ZFHX3: variants seen among roughly 807,000 people sequenced by gnomAD.
ZFHX3 encodes zinc finger homeobox 3.
ZFHX3 carries 42 observed loss-of-function variants against 279.1 expected under a neutral mutation model. That is an observed-to-expected ratio of 0.15 (90% CI 0.12 to 0.19). The LOEUF (loss-of-function observed/expected upper bound fraction) is 0.19, where lower values mean the gene tolerates loss of function less well. Ranked by LOEUF, ZFHX3 falls within the 10% of genes least tolerant of loss-of-function variation. The pLI is 1.00. For missense variants in ZFHX3, 4,981 were observed against 4,754.0 expected, an observed-to-expected ratio of 1.05 and a Z score of -1.40; for synonymous variants, 2,293 against 1,957.8, an observed-to-expected ratio of 1.17 and a Z score of -4.52.
Position 72,848,892 on chromosome 16 carries a change from C to T in ZFHX3, c.3449-19033G>A, listed in dbSNP as rs1180538960. 2.8e-5 allele frequency among the ~76,000 whole-genome samples: 4 copies of T among 144,492 alleles called. No individual in the cohort carries two copies. The East Asian group carries it at 6.2e-4, about 22-fold the overall frequency. The allele number at this position is 144,492 out of a possible 152,430, so 94.8% of individuals were successfully genotyped here. On this transcript the variant is annotated intron_variant, in intron 4 of 9. Coordinates refer to ENST00000268489, the MANE Select transcript of ZFHX3 (RefSeq NM_006885.4). ...CCACGGCTGGAGCTGGCGAGCTGCA[C>T]GGTCCCCAGAAATCTCAGGCAGGCA... is the stretch of plus-strand genomic sequence containing the variant.
intron 1 of ZFHX3, among the ~76,000 whole-genome samples, chr16:73,845,131 G>T (rs1352256505): frequency 2.0e-5 from 3 of 152,152 alleles, no homozygotes; most frequent in African/African-American, 7.2e-5. Flanking sequence ...TGAGTTTGAA[G>T]TCATTTTGAA....
At chr16:73,797,807 C>CTT (rs35369374) in intron 1 of ZFHX3, among the ~76,000 whole-genome samples, 901 of 82,816 alleles carry the variant, frequency 0.011, no homozygotes, top group Non-Finnish European at 0.012. Flanking sequence ...CTTCTGAAGA[C>CTT]TTTTTTTTTT....
Position 73,736,377 on chromosome 16 carries a change from A to G in ZFHX3, c.-1607-56137T>C, listed in dbSNP as rs374348949. ...TCTCTGCAACAAATCCGTTATTCTA[A>G]CCACTCATGATGGTTCTGCTTCTCT... is the stretch of plus-strand genomic sequence containing the variant. On this transcript the variant is annotated intron_variant, in intron 1 of 17. Transcript: ENST00000641206. Among the ~76,000 whole-genome samples, 36 of 152,308 alleles carry G rather than the reference A, an allele frequency of 2.4e-4. No homozygotes were observed. In the South Asian group the frequency reaches 7.3e-3, roughly 31 times the overall value.
At chr16:73,798,536 T>C (rs903219498) in intron 1 of ZFHX3, among the ~76,000 whole-genome samples, 6 of 151,382 alleles carry the variant, frequency 4.0e-5, no homozygotes, top group African/African-American at 1.5e-4. Context: ...AATTCTCCCG[T>C]CTTCCCAAAG....
At chr16:73,412,029 A>G (rs2017477132) in intron 3 of ZFHX3, among the ~76,000 whole-genome samples, 1 of 152,222 alleles carries the variant, frequency 6.6e-6, no homozygotes, top group Non-Finnish European at 1.5e-5. Flanking sequence ...AAGACTTTCC[A>G]ATAAAAATAA....
intron 1 of ZFHX3, among the ~76,000 whole-genome samples, chr16:73,781,153 A>T (rs949498767): frequency 6.6e-6 from 1 of 151,868 alleles, no homozygotes; most frequent in Admixed American, 6.6e-5. Context: ...TTTGTTTAAC[A>T]CTCCCTGCCT....
At chr16:73,030,396 G>C (rs138735779) in intron 1 of ZFHX3, among the ~76,000 whole-genome samples, 6 of 152,354 alleles carry the variant, frequency 3.9e-5, no homozygotes, top group South Asian at 2.1e-4. Flanking sequence ...CATGGAAGGA[G>C]AGCAGACCAC....
intron 4 of ZFHX3, among the ~76,000 whole-genome samples, chr16:72,832,237 C>G (rs2037077361): frequency 6.6e-6 from 1 of 152,140 alleles, no homozygotes; most frequent in Non-Finnish European, 1.5e-5. Context: ...ACACTGACCC[C>G]AATTCTTTGA....
At chr16:73,400,060 G>A (rs1489022578) in intron 3 of ZFHX3, 3 of 147,912 alleles carry the variant, frequency 2.0e-5, no homozygotes, top group African/African-American at 7.5e-5. Flanking sequence ...GTGAATCAGA[G>A]AATGTCAAAT....
At chr16:72,945,834 T>C (rs886294921) in intron 3 of ZFHX3, among the ~76,000 whole-genome samples, 1 of 151,970 alleles carries the variant, frequency 6.6e-6, no homozygotes, top group Non-Finnish European at 1.5e-5. Flanking sequence ...TGTATGCTTT[T>C]TGCTCTCAGT....
chr16:73,260,556 G>C (rs2013790505), intron 4 of ZFHX3, among the ~76,000 whole-genome samples: 1 of 151,938 alleles, frequency 6.6e-6, no homozygotes, highest in South Asian at 2.1e-4. Context: ...GATGTCCCAG[G>C]TTCATCTTCT....
intron 2 of ZFHX3, among the ~76,000 whole-genome samples, chr16:73,510,342 G>C (rs1318292323): frequency 6.6e-6 from 1 of 151,900 alleles, no homozygotes; most frequent in East Asian, 1.9e-4. Context: ...CTGTGTCCCT[G>C]GCACCTAGAT....
intron 3 of ZFHX3, among the ~76,000 whole-genome samples, chr16:72,910,439 C>G (rs573513173): frequency 2.0e-5 from 3 of 152,308 alleles, no homozygotes; most frequent in African/African-American, 7.2e-5. Flanking sequence ...AACAAGTGAT[C>G]AGGAAATCTG....
At chr16:73,017,477 C>T (rs1256738801) in intron 1 of ZFHX3, among the ~76,000 whole-genome samples, 1 of 152,094 alleles carries the variant, frequency 6.6e-6, no homozygotes, top group Admixed American at 6.6e-5. Flanking sequence ...TGCCCTTCGC[C>T]AAGTCATGAA....
At chr16:73,767,959 G>A (rs2053970675) in intron 1 of ZFHX3, among the ~76,000 whole-genome samples, 1 of 152,198 alleles carries the variant, frequency 6.6e-6, no homozygotes, top group Non-Finnish European at 1.5e-5. Flanking sequence ...CTTAATGCTA[G>A]CAAACGTAGG....
At chr16:73,617,155 C>T (rs538257462) in intron 2 of ZFHX3, among the ~76,000 whole-genome samples, 26 of 152,346 alleles carry the variant, frequency 1.7e-4, no homozygotes, top group Admixed American at 7.8e-4. Flanking sequence ...TCTCCACCAT[C>T]TTGAAAGGTA....
chr16:73,735,188 G>C (rs1311735820), intron 1 of ZFHX3, among the ~76,000 whole-genome samples: 1 of 152,058 alleles, frequency 6.6e-6, no homozygotes, highest in Non-Finnish European at 1.5e-5. Flanking sequence ...CTGAAACTGT[G>C]TACCCATTAA....
At chr16:72,854,320 T>C (rs577708326) in intron 4 of ZFHX3, among the ~76,000 whole-genome samples, 24 of 152,336 alleles carry the variant, frequency 1.6e-4, no homozygotes, top group African/African-American at 5.8e-4. Context: ...CTTTATGGAA[T>C]CTGTCACTTC....
chr16:73,560,690 G>A (rs927684613), intron 2 of ZFHX3, among the ~76,000 whole-genome samples: 14 of 152,306 alleles, frequency 9.2e-5, no homozygotes, highest in Admixed American at 7.2e-4. Flanking sequence ...TAAATAGCAC[G>A]TGGACTACAC....
Sources: gnomAD v4.1 joint callset for allele counts (sites outside exome capture counted in the v4.1 genomes callset) on GRCh38, gnomAD v4.1.1 for gene constraint, MANE v1.5 for transcripts, NCBI Gene and HGNC (gene_info 2026-07-23, HGNC 2026-07-21) for gene names.